The following SNX13 variants were observed in gnomAD, a reference collection of about 807,000 sequenced individuals.
SNX13 encodes sorting nexin-13.
SNX13 carries 45 observed loss-of-function variants against 133.6 expected under a neutral mutation model. That is an observed-to-expected ratio of 0.34 (90% CI 0.27 to 0.43). The LOEUF is 0.43. Ranked by LOEUF, SNX13 falls within the 20% of genes least tolerant of loss-of-function variation. The pLI, the probability that SNX13 is intolerant of heterozygous loss-of-function variation, is 1.00. For missense variants in SNX13, 1,032 were observed against 1,145.1 expected (o/e 0.90, Z 1.43); for synonymous variants, 414 against 373.9 (o/e 1.11, Z -1.24).
chr7:17,919,102 T>C (rs542621187), intron 1 of SNX13, among the ~76,000 whole-genome samples: 5 of 152,226 alleles, frequency 3.3e-5, no homozygotes, highest in African/African-American at 9.6e-5. Context: ...AGGGGAAGAA[T>C]GGAGGGAGCC....
chr7:17,851,191 T>A (rs1448181429), intron 9 of SNX13, among the ~76,000 whole-genome samples: 2 of 152,198 alleles, frequency 1.3e-5, no homozygotes, highest in East Asian at 3.9e-4. Flanking sequence ...AGGAACATGC[T>A]CACAGTATTT....
intron 1 of SNX13, among the ~76,000 whole-genome samples, chr7:17,926,757 G>A (rs561569880): frequency 7.9e-5 from 12 of 152,156 alleles, no homozygotes; most frequent in Middle Eastern, 3.4e-3. Flanking sequence ...ATGGTGGCAC[G>A]TGCCTGTAGT....
intron 20 of SNX13, among the ~76,000 whole-genome samples, chr7:17,806,797 C>T (rs1042169812): frequency 1.3e-5 from 2 of 152,154 alleles, no homozygotes; most frequent in Non-Finnish European, 2.9e-5. Flanking sequence ...TGGGTGCAGT[C>T]CACAGAGGGC....
intron 1 of SNX13, chr7:17,898,902 C>A (rs906882399): frequency 6.6e-6 from 1 of 152,152 alleles, no homozygotes; most frequent in Non-Finnish European, 1.5e-5. Flanking sequence ...ATCTTGGCCA[C>A]TTTTATCTTT....
chr7:17,884,218 C>A (rs1795708111), intron 5 of SNX13, among the ~76,000 whole-genome samples: 1 of 152,086 alleles, frequency 6.6e-6, no homozygotes. Flanking sequence ...ACAGCTAAGA[C>A]ATTAAAAGGA....
intron 9 of SNX13, among the ~76,000 whole-genome samples, chr7:17,859,098 C>T (rs939553316): frequency 5.3e-5 from 8 of 151,994 alleles, no homozygotes; most frequent in African/African-American, 1.2e-4. Flanking sequence ...TGGGAAATTA[C>T]GTTTCATCAA....
At chr7:17,856,436 C>A (rs1179466192) in intron 9 of SNX13, among the ~76,000 whole-genome samples, 1 of 152,112 alleles carries the variant, frequency 6.6e-6, no homozygotes, top group Admixed American at 6.6e-5. Context: ...ATAGTTACCT[C>A]CTTACCTATT....
chr7:17,912,603 G>T (rs769981119), intron 1 of SNX13, among the ~76,000 whole-genome samples: 9 of 151,982 alleles, frequency 5.9e-5, no homozygotes, highest in Admixed American at 1.3e-4. Context: ...TAGAGACGGG[G>T]TTTACACCAT....
chr7:17,874,473 C>T (rs1197550782), intron 7 of SNX13, among the ~76,000 whole-genome samples: 4 of 152,084 alleles, frequency 2.6e-5, no homozygotes, highest in Admixed American at 1.3e-4. Context: ...GTACCCGAAA[C>T]CCTCTCACTG....
chr7:17,835,256 G>C (rs554353888), intron 13 of SNX13, among the ~76,000 whole-genome samples: 1 of 151,966 alleles, frequency 6.6e-6, no homozygotes, highest in African/African-American at 2.4e-5. Flanking sequence ...CTGTCATTAG[G>C]AGTCAGTGTT....
At position 17,801,678 on chromosome 7, in the gene SNX13, C is replaced by T; in HGVS notation, c.2227-19G>A. 1 of 1,584,384 alleles carries T rather than the reference C, an allele frequency of 6.3e-7. No individual in the cohort carries two copies. Among genetic ancestry groups the T allele is most frequent in the East Asian group, 2.3e-5 (1 of 44,296 alleles). Reference sequence around the variant, plus strand: ...GAGGCACCTAAAAATAAAACCAAATCCACAAAGTAAACACACTAAAGCAGA... The same window carrying T: ...GAGGCACCTAAAAATAAAACCAAATTCACAAAGTAAACACACTAAAGCAGA... On this transcript the variant is annotated intron_variant, in intron 21 of 25. Coordinates refer to ENST00000428135, the MANE Select transcript of SNX13 (RefSeq NM_015132.5).
intron 1 of SNX13, among the ~76,000 whole-genome samples, chr7:17,938,647 C>T (rs1252302054): frequency 2.0e-5 from 3 of 152,132 alleles, no homozygotes; most frequent in East Asian, 3.9e-4. Context: ...TTCCCTAAAA[C>T]GCAAAATTGC....
intron 1 of SNX13, among the ~76,000 whole-genome samples, chr7:17,924,784 G>C (rs1393516204): frequency 1.3e-5 from 2 of 152,122 alleles, no homozygotes; most frequent in Non-Finnish European, 2.9e-5. Flanking sequence ...AATGTTACTT[G>C]GCAATAAAAA....
At chr7:17,908,378 C>A (rs1798611636) in intron 1 of SNX13, among the ~76,000 whole-genome samples, 1 of 152,146 alleles carries the variant, frequency 6.6e-6, no homozygotes, top group Admixed American at 6.5e-5. Context: ...TTCTAAAATA[C>A]TTGGCTTTTC....
At chr7:17,806,833 G>A (rs954906895) in intron 20 of SNX13, among the ~76,000 whole-genome samples, 7 of 152,188 alleles carry the variant, frequency 4.6e-5, no homozygotes, top group South Asian at 4.1e-4. Flanking sequence ...GGGGCGTCGC[G>A]TCACGCGGGA....
At chr7:17,867,445 A>G (rs1203110476) in intron 9 of SNX13, among the ~76,000 whole-genome samples, 2 of 152,034 alleles carry the variant, frequency 1.3e-5, no homozygotes, top group Admixed American at 1.3e-4. Context: ...TGTCTCTACC[A>G]AAAGTACAAA....
intron 5 of SNX13, chr7:17,888,824 A>T: frequency 2.3e-6 from 1 of 436,864 alleles, no homozygotes; most frequent in Non-Finnish European, 4.7e-6. Context: ...TTATTATTAC[A>T]CTTATTTTAC....
chr7:17,935,814 T>C (rs1232556842), intron 1 of SNX13, among the ~76,000 whole-genome samples: 3 of 152,192 alleles, frequency 2.0e-5, no homozygotes, highest in East Asian at 1.9e-4. Flanking sequence ...ATGGTCTTCT[T>C]GCTTTGGTTA....
rs377658488 is a variant in SNX13, at chr7:17,821,533, G to A, written c.1821C>T (p.Asp607=). 20 of 1,612,768 alleles carry A rather than the reference G, an allele frequency of 1.2e-5. No homozygotes were observed. The highest frequency in any genetic ancestry group is 1.4e-5 in the Non-Finnish European group (17 of 1,179,450). ...CCTGTTCAGTGATTCTCATGTGGAA[G>A]TCATGGAAGTCACTATAACGACGAT... ...KTYRRYSDFH[D]FHMRITEQFE... Residue 607 remains aspartate (D), a synonymous_variant, in exon 18 of 26, where the codon GAC becomes GAT. Transcript: ENST00000428135.
Sources: gnomAD v4.1 joint callset for allele counts (sites outside exome capture counted in the v4.1 genomes callset) on GRCh38, gnomAD v4.1.1 for gene constraint, MANE v1.5 for transcripts, NCBI Gene and HGNC (gene_info 2026-07-23, HGNC 2026-07-21) for gene names.